Variants in FBXL17 observed in about 807,000 individuals in gnomAD.
FBXL17 encodes F-box/LRR-repeat protein 17.
Under a neutral mutation model 66.2 loss-of-function variants are expected in FBXL17, and 22 were observed. The ratio of observed to expected loss-of-function variants is 0.33; its 90% CI spans 0.24 to 0.47. The LOEUF (loss-of-function observed/expected upper bound fraction) is 0.47. Among genes scored for constraint, FBXL17 ranks in the 20% least tolerant of loss-of-function variants. The probability of loss-of-function intolerance (pLI) is 1.00; values close to 1 mark genes in which losing one functional copy is unlikely to be tolerated. For missense variants in FBXL17, 878 were observed against 948.2 expected, an observed-to-expected ratio of 0.93 and a Z score of 0.97; for synonymous variants, 474 against 400.5, an observed-to-expected ratio of 1.18 and a Z score of -2.19.
chr5:107,933,599 C>A (rs1020076581), intron 7 of FBXL17, among the ~76,000 whole-genome samples: 2 of 152,038 alleles, frequency 1.3e-5, no homozygotes, highest in African/African-American at 4.8e-5. Flanking sequence ...TAAACAATAC[C>A]CTGTTCCCTG....
At chr5:107,920,139 G>A (rs1250037278) in intron 7 of FBXL17, among the ~76,000 whole-genome samples, 1 of 152,180 alleles carries the variant, frequency 6.6e-6, no homozygotes, top group Non-Finnish European at 1.5e-5. Flanking sequence ...ATGTTTTTGA[G>A]AAATCTGCAA....
chr5:108,237,489 CA>C (rs1755658641), intron 4 of FBXL17, among the ~76,000 whole-genome samples: 2 of 152,268 alleles, frequency 1.3e-5, no homozygotes, highest in Admixed American at 1.3e-4. Flanking sequence ...GACCGAAAGC[CA>C]GCAGAATGGT....
intron 6 of FBXL17, among the ~76,000 whole-genome samples, chr5:108,173,231 T>C (rs1752672174): frequency 6.6e-6 from 1 of 152,084 alleles, no homozygotes; most frequent in Non-Finnish European, 1.5e-5. Flanking sequence ...AAAGCACATA[T>C]ACTTTTTTCC....
At chr5:108,149,756 G>T (rs997996850) in intron 6 of FBXL17, among the ~76,000 whole-genome samples, 2 of 152,092 alleles carry the variant, frequency 1.3e-5, no homozygotes, top group African/African-American at 4.8e-5. Flanking sequence ...CTAACTTTAA[G>T]ATAGTCCATG....
intron 1 of FBXL17, among the ~76,000 whole-genome samples, chr5:108,369,184 T>A (rs182423932): frequency 6.6e-6 from 1 of 152,266 alleles, no homozygotes; most frequent in East Asian, 1.9e-4. Flanking sequence ...AAGGCAGAAG[T>A]GATTATTCCT....
intron 7 of FBXL17, among the ~76,000 whole-genome samples, chr5:108,018,400 T>C (rs945582784): frequency 3.9e-5 from 6 of 152,212 alleles, no homozygotes; most frequent in African/African-American, 1.4e-4. Context: ...GCTGTTTCTC[T>C]GGTTACAATG....
At chr5:108,152,442 G>A (rs1751808627) in intron 6 of FBXL17, among the ~76,000 whole-genome samples, 1 of 151,932 alleles carries the variant, frequency 6.6e-6, no homozygotes, top group Non-Finnish European at 1.5e-5. Context: ...TTTTTCATTT[G>A]GTACAAAATA....
intron 6 of FBXL17, among the ~76,000 whole-genome samples, chr5:108,106,168 G>A (rs957905398): frequency 6.6e-6 from 1 of 152,124 alleles, no homozygotes; most frequent in African/African-American, 2.4e-5. Context: ...CTATAGCAGG[G>A]AAAAACTGAG....
chr5:108,108,544 G>T (rs1749901409), intron 6 of FBXL17, among the ~76,000 whole-genome samples: 1 of 152,150 alleles, frequency 6.6e-6, no homozygotes, highest in Non-Finnish European at 1.5e-5. Context: ...GAATAATCAT[G>T]TTAGGATAGA....
intron 7 of FBXL17, among the ~76,000 whole-genome samples, chr5:108,003,840 T>C (rs923626493): frequency 2.0e-5 from 3 of 152,112 alleles, no homozygotes; most frequent in South Asian, 2.1e-4. Flanking sequence ...ATTAAAAATA[T>C]AGCATGAGAA....
At chr5:108,082,505 G>A (rs574625655) in intron 6 of FBXL17, among the ~76,000 whole-genome samples, 1 of 152,298 alleles carries the variant, frequency 6.6e-6, no homozygotes, top group Admixed American at 6.5e-5. Flanking sequence ...TGACATACAG[G>A]TGTAAGCAGC....
intron 3 of FBXL17, among the ~76,000 whole-genome samples, chr5:108,355,579 A>T (rs552189769): frequency 1.3e-5 from 2 of 152,142 alleles, no homozygotes; most frequent in Non-Finnish European, 2.9e-5. Flanking sequence ...CACCGCACCC[A>T]GCCAGAAAAC....
chr5:108,090,587 T>C (rs1461847953), intron 6 of FBXL17, among the ~76,000 whole-genome samples: 1 of 152,218 alleles, frequency 6.6e-6, no homozygotes, highest in African/African-American at 2.4e-5. Context: ...GTAAACAATA[T>C]GTAAGTGAAT....
intron 6 of FBXL17, among the ~76,000 whole-genome samples, chr5:108,169,245 TAAA>T (rs1303447970): frequency 1.3e-5 from 2 of 152,114 alleles, no homozygotes; most frequent in East Asian, 3.9e-4. Context: ...ATCTTGGAAA[TAAA>T]AAGAAGATAG....
intron 6 of FBXL17, among the ~76,000 whole-genome samples, chr5:108,075,736 C>T (rs554624016): frequency 2.6e-4 from 39 of 152,284 alleles, no homozygotes; most frequent in African/African-American, 8.7e-4. Context: ...CTCGGCCTCC[C>T]AAAGTGCTGG....
In FBXL17 at chr5:108,177,396, C is replaced by T. The variant is rs928296328; in HGVS notation, c.1745+8721G>A. Among the ~76,000 whole-genome samples the T allele has an allele frequency of 5.3e-5, 8 of 152,262 alleles. No homozygotes were observed. The East Asian group carries it at 1.5e-3, about 29-fold the overall frequency. On this transcript the variant is annotated intron_variant, in intron 6 of 8. Transcript: ENST00000542267. ...TGCAGTAAAATATTCAAACATGTCA[C>T]CTTTTAGATATCCCATATGGAAAAG...
At chr5:108,347,714 T>C (rs1388093713) in intron 4 of FBXL17, among the ~76,000 whole-genome samples, 11 of 152,068 alleles carry the variant, frequency 7.2e-5, no homozygotes, top group Admixed American at 5.9e-4. Context: ...GGGCACAGGA[T>C]TTTTTTAGGG....
rs534201561 is a variant in FBXL17, at chr5:107,916,162, A to G, written c.1823-34983T>C. 1.9e-4 allele frequency among the ~76,000 whole-genome samples: 29 copies of G among 152,318 alleles called. 1 individual carries two copies. Among genetic ancestry groups the G allele is most frequent in the Admixed American group, 1.8e-3 (27 of 15,300 alleles). ...ACATAAAGTCCAGATCCCCAGTGTT[A>G]TGTCCATATTTATTCAATAAAGACT... On this transcript the variant is annotated intron_variant, in intron 7 of 8. Coordinates refer to ENST00000542267, the MANE Select transcript of FBXL17 (RefSeq NM_001163315.3).
chr5:107,861,719 G>C lies in FBXL17; in HGVS notation c.*1C>G. The stretch of plus-strand genomic sequence containing the variant: ...CCAGTGGACTAGGCGAGGCAGGAGC[G>C]CTAGGAGGAGGCGGCAGACATGTTG... On this transcript the variant is annotated 3_prime_UTR_variant, in exon 9 of 9. Coordinates refer to ENST00000542267, the MANE Select transcript of FBXL17 (RefSeq NM_001163315.3). 3.8e-6 allele frequency: 6 copies of C among 1,572,052 alleles called. No homozygotes were observed. The South Asian group carries it at 4.7e-5, about 12-fold the overall frequency.
Sources: gnomAD v4.1 joint callset for allele counts (sites outside exome capture counted in the v4.1 genomes callset) on GRCh38, gnomAD v4.1.1 for gene constraint, MANE v1.5 for transcripts, NCBI Gene and HGNC (gene_info 2026-07-23, HGNC 2026-07-21) for gene names.